Variants in HEATR4 observed in about 807,000 individuals in gnomAD.
HEATR4 encodes HEAT repeat containing 4.
Under a neutral mutation model 108.8 loss-of-function variants are expected in HEATR4, and 95 were observed. The observed-to-expected ratio is 0.87, with a 90% CI of 0.74 to 1.04. The LOEUF is 1.04. HEATR4 is among the 50% of genes least tolerant of loss of function. HEATR4 has a pLI of 0.00. For synonymous variants in HEATR4, 443 were observed against 459.4 expected (o/e 0.96, Z 0.46); for missense variants, 1,152 against 1,253.8 (o/e 0.92, Z 1.23).
the HEATR4 span, among the ~76,000 whole-genome samples, chr14:73,630,493 T>G: frequency 3.9e-5 from 6 of 152,232 alleles, no homozygotes; most frequent in African/African-American, 9.6e-5. Context: ...CATGCCACCA[T>G]AGTGGTTCGC....
intron 17 of HEATR4, chr14:73,491,323 C>T (rs1280471652): frequency 1.3e-6 from 2 of 1,500,940 alleles, no homozygotes; most frequent in South Asian, 1.3e-5. Flanking sequence ...ACCTGGGGCC[C>T]GCAGAGCTGC....
chr14:73,546,051 G>A lies in HEATR4; in HGVS notation c.-152+12700C>T, dbSNP rs1204761913. 4.4e-5 allele frequency among the ~76,000 whole-genome samples: 5 copies of A among 113,336 alleles called. 1 individual carries two copies. Among genetic ancestry groups the A allele is most frequent in the Non-Finnish European group, 7.7e-5 (4 of 52,240 alleles). 74.4% of individuals were successfully genotyped at this position (113,336 alleles called of 152,430 possible). A position where few individuals can be genotyped will look rare whatever the true frequency, so the allele number is the denominator to read the frequency against. Reference sequence around the variant, plus strand: ...GGCTAGAGTACAATGGCTTGATCTCGGCTCACTGCAACCTCCGCCTCCTGG... The same window carrying A: ...GGCTAGAGTACAATGGCTTGATCTCAGCTCACTGCAACCTCCGCCTCCTGG... On this transcript the variant is annotated intron_variant, in intron 1 of 17. Transcript: ENST00000553558.
At chr14:73,518,872 T>G in intron 5 of HEATR4, 151 bp downstream of exon 5, 1 of 653,056 alleles carries the variant, frequency 1.5e-6, no homozygotes, top group Non-Finnish European at 2.5e-6. Context: ...TTTGTGAGAT[T>G]ATTTTTAGTA....
chr14:73,603,186 T>A, the HEATR4 span, among the ~76,000 whole-genome samples: 1 of 152,192 alleles, frequency 6.6e-6, no homozygotes, highest in Non-Finnish European at 1.5e-5. Flanking sequence ...ATTCCATATG[T>A]CCCCAGGCCT....
At chr14:73,483,256 A>G (rs1222888053) in intron 17 of HEATR4, among the ~76,000 whole-genome samples, 1 of 152,236 alleles carries the variant, frequency 6.6e-6, no homozygotes, top group Non-Finnish European at 1.5e-5. Flanking sequence ...TGTAATGATT[A>G]CCTGAAAGAA....
At chr14:73,504,594 G>T (rs189265121) in intron 10 of HEATR4, among the ~76,000 whole-genome samples, 86 of 152,242 alleles carry the variant, frequency 5.6e-4, no homozygotes, top group Admixed American at 3.6e-3. Flanking sequence ...TGCTGGTCCA[G>T]GACTTTAGCA....
intron 1 of HEATR4, among the ~76,000 whole-genome samples, chr14:73,549,490 A>G (rs1457697162): frequency 8.0e-6 from 1 of 125,292 alleles, no homozygotes; most frequent in Admixed American, 8.4e-5. Flanking sequence ...AGAAAAAGAA[A>G]TTGAGGCAAG....
At position 73,542,025 on chromosome 14, in the gene HEATR4, T is replaced by C. The variant is rs1889103433; in HGVS notation, c.-151-11781A>G. Among the ~76,000 whole-genome samples the C allele has an allele frequency of 1.8e-5, 2 of 112,490 alleles. 1 individual carries two copies. Among genetic ancestry groups the C allele is most frequent in the Non-Finnish European group, 3.8e-5 (2 of 52,412 alleles). The allele number at this position is 112,490 out of a possible 152,430, so 73.8% of individuals were successfully genotyped here. On this transcript the variant is annotated intron_variant, in intron 1 of 17. Transcript: ENST00000553558. Reference sequence around the variant, plus strand: ...CACCTGCCAACATGCCTGGATAATTTTTGTATTTTCAGTAGAGACGGGGTT... The same window carrying C: ...CACCTGCCAACATGCCTGGATAATTCTTGTATTTTCAGTAGAGACGGGGTT...
chr14:73,492,830 T>A lies in HEATR4; in HGVS notation c.2844+236A>T. The A allele has an allele frequency of 6.2e-7, 1 of 1,613,744 alleles. No homozygotes were observed. The highest frequency in any genetic ancestry group is 8.5e-7 in the Non-Finnish European group (1 of 1,179,846). ...ACTGTTGCTTGGTTCTTATCCAGAG[T>A]TTGTGAGAGTGGGGGACCTGCCCTG... On this transcript the variant is annotated intron_variant, in intron 17 of 17. Transcript: ENST00000553558. This position sits in a 1 kb window ranked among gnomAD's most constrained non-coding sequence, Gnocchi z 4.9.
chr14:73,579,573 C>CAAA, the HEATR4 span, among the ~76,000 whole-genome samples: 8 of 56,194 alleles, frequency 1.4e-4, no homozygotes, highest in Non-Finnish European at 1.9e-4. Context: ...AAAGCCGTCT[C>CAAA]AAAAAAAAAA....
At chr14:73,628,493 C>T in the HEATR4 span, among the ~76,000 whole-genome samples, 2 of 152,108 alleles carry the variant, frequency 1.3e-5, no homozygotes, top group East Asian at 1.9e-4. Context: ...GTGGCTCACA[C>T]CTGTAATCCC....
Position 73,535,592 on chromosome 14 carries a change from C to T in HEATR4, c.-151-5348G>A, listed in dbSNP as rs753578974. On this transcript the variant is annotated intron_variant, in intron 1 of 17. Transcript: ENST00000553558. The stretch of plus-strand genomic sequence containing the variant: ...CACGCCATTCTCCTGCCCCAGCCTC[C>T]CGAGTAGCTGGGACTACAGGCGCCT... 1.3e-4 allele frequency among the ~76,000 whole-genome samples: 14 copies of T among 103,886 alleles called. 3 individuals carry two copies. Among genetic ancestry groups the T allele is most frequent in the Non-Finnish European group, 2.8e-4 (14 of 49,258 alleles). The allele number at this position is 103,886 out of a possible 152,430, so 68.2% of individuals were successfully genotyped here. A position where few individuals can be genotyped will look rare whatever the true frequency, so the allele number is the denominator to read the frequency against.
At position 73,534,240 on chromosome 14, in the gene HEATR4, G is replaced by A. The variant is rs1242506609; in HGVS notation, c.-151-3996C>T. ...CTAAAAATACAAAAATCAGCTGGCC[G>A]TGGTGGCATGTGACTGTAATCCCAG... On this transcript the variant is annotated intron_variant, in intron 1 of 17. Transcript: ENST00000553558. Among the ~76,000 whole-genome samples, 3 of 111,296 alleles carry A rather than the reference G, an allele frequency of 2.7e-5. 1 individual carries two copies. Among genetic ancestry groups the A allele is most frequent in the African/African-American group, 8.8e-5 (3 of 34,058 alleles). 73.0% of individuals were successfully genotyped at this position (111,296 alleles called of 152,430 possible). A position where few individuals can be genotyped will look rare whatever the true frequency, so the allele number is the denominator to read the frequency against.
rs1234304680 is a variant in HEATR4, at chr14:73,546,050, C to T, written c.-152+12701G>A. On this transcript the variant is annotated intron_variant, in intron 1 of 17. Transcript: ENST00000553558. ...AGGCTAGAGTACAATGGCTTGATCT[C>T]GGCTCACTGCAACCTCCGCCTCCTG... Among the ~76,000 whole-genome samples the T allele has an allele frequency of 2.6e-5, 3 of 113,604 alleles. 1 individual carries two copies. Among genetic ancestry groups the T allele is most frequent in the Non-Finnish European group, 3.8e-5 (2 of 52,310 alleles). 74.5% of individuals were successfully genotyped at this position (113,604 alleles called of 152,430 possible).
At position 73,496,592 on chromosome 14, in the gene HEATR4, C is replaced by T; in HGVS notation, c.2625+9G>A. On this transcript the variant is annotated intron_variant, in intron 15 of 17. Transcript: ENST00000553558. Reference sequence around the variant, plus strand: ...TTTTCTCTTGAGAACAGAGCTTGCACTTATTTACCCTGTTCTTGATCTCCT... The same window carrying T: ...TTTTCTCTTGAGAACAGAGCTTGCATTTATTTACCCTGTTCTTGATCTCCT... 1 of 1,572,314 alleles carries T rather than the reference C, an allele frequency of 6.4e-7. No individual in the cohort carries two copies. The highest frequency in any genetic ancestry group is 1.1e-5 in the South Asian group (1 of 90,140).
At chr14:73,479,977 C>T (rs935818070) in intron 17 of HEATR4, among the ~76,000 whole-genome samples, 1 of 152,194 alleles carries the variant, frequency 6.6e-6, no homozygotes, top group Admixed American at 6.5e-5. Context: ...AAAAGCCTAA[C>T]ACCAGAGTTC....
the HEATR4 span, among the ~76,000 whole-genome samples, chr14:73,572,402 A>C: frequency 6.8e-6 from 1 of 147,116 alleles, no homozygotes; most frequent in Non-Finnish European, 1.6e-5. Context: ...AAACAGTCAA[A>C]CCCTAGGAGA....
At chr14:73,543,737 T>C in intron 1 of HEATR4, 1 of 754,532 alleles carries the variant, frequency 1.3e-6, no homozygotes, top group Non-Finnish European at 1.8e-6. Context: ...TGTGTATTCA[T>C]TCTTTCTCAT....
chr14:73,606,757 C>T, the HEATR4 span, among the ~76,000 whole-genome samples: 50,874 of 152,004 alleles, frequency 0.33, 9,905 homozygotes, highest in East Asian at 0.64. Flanking sequence ...GACTCCTTCC[C>T]TGAGCCCGGA....
Sources: allele counts gnomAD v4.1 joint callset (sites outside exome capture counted in the v4.1 genomes callset), GRCh38; gene constraint gnomAD v4.1.1; non-coding constraint Gnocchi (gnomAD v3.1); transcripts MANE v1.5; gene names NCBI Gene and HGNC (gene_info 2026-07-23, HGNC 2026-07-21).